Variants in ALG8 observed in about 807,000 individuals in gnomAD.
The protein encoded by ALG8 is ALG8 alpha-1,3-glucosyltransferase.
Under a neutral mutation model 70.2 loss-of-function variants are expected in ALG8, and 48 were observed. The observed-to-expected ratio is 0.68, with a 90% CI of 0.54 to 0.87. ALG8 has a LOEUF of 0.87. Among genes scored for constraint, ALG8 ranks in the 40% least tolerant of loss-of-function variants. The pLI, the probability that ALG8 is intolerant of heterozygous loss-of-function variation, is 0.00. For synonymous variants in ALG8, 234 were observed against 229.0 expected (o/e 1.02, Z -0.20); for missense variants, 572 against 608.7 (o/e 0.94, Z 0.64).
chr11:78,138,421 C>G (rs1861641551), intron 1 of ALG8, among the ~76,000 whole-genome samples: 1 of 151,622 alleles, frequency 6.6e-6, no homozygotes, highest in Non-Finnish European at 1.5e-5. Context: ...GCAACTAAAG[C>G]AAGAAATAAT....
At chr11:78,117,196 A>G (rs1289987910) in intron 5 of ALG8, among the ~76,000 whole-genome samples, 2 of 152,172 alleles carry the variant, frequency 1.3e-5, no homozygotes, top group Non-Finnish European at 2.9e-5. Context: ...TTTATGGGGA[A>G]AATGAGGCTA....
intron 1 of ALG8, among the ~76,000 whole-genome samples, chr11:78,135,583 C>T (rs1861508071): frequency 6.6e-6 from 1 of 152,088 alleles, no homozygotes; most frequent in Non-Finnish European, 1.5e-5. Context: ...GCATGGTGCT[C>T]ACGCCTGTAA....
At chr11:78,111,923 G>T (rs1054514737) in intron 8 of ALG8, among the ~76,000 whole-genome samples, 2 of 152,008 alleles carry the variant, frequency 1.3e-5, no homozygotes, top group Non-Finnish European at 2.9e-5. Context: ...TTCCTTACTG[G>T]TTTAATACCG....
At chr11:78,139,427 C>T (rs1861698876) in intron 1 of ALG8, 67 bp downstream of exon 1, 8 of 1,473,620 alleles carry the variant, frequency 5.4e-6, no homozygotes, top group Non-Finnish European at 7.4e-6. Flanking sequence ...ATATCCACAC[C>T]TTTCTCTCCC....
At chr11:78,133,661 G>C (rs1861406235) in intron 1 of ALG8, 1 of 152,134 alleles carries the variant, frequency 6.6e-6, no homozygotes, top group Admixed American at 6.5e-5. Context: ...CAGCACTTTG[G>C]AGGCCGAGGC....
At chr11:78,133,654 C>A (rs1159474833) in intron 1 of ALG8, 2 of 152,162 alleles carry the variant, frequency 1.3e-5, no homozygotes, top group Non-Finnish European at 2.9e-5. Flanking sequence ...GTAATCCCAG[C>A]ACTTTGGAGG....
rs116971268 is a variant in ALG8 at position 78,104,643 on chromosome 11, C to T, written c.1179-190G>A. 0.011 allele frequency: 5,884 copies of T among 556,354 alleles called. 47 individuals are homozygous for T. The highest frequency in any genetic ancestry group is 0.015 in the Non-Finnish European group (4,771 of 313,462). 34.5% of individuals were successfully genotyped at this position (556,354 alleles called of 1,614,324 possible). On this transcript the variant is annotated intron_variant, in intron 10 of 12. Transcript: ENST00000299626. ...ATTTTAAGCAATCAATAGCATGTAT[C>T]AAACTGAATCAGGGGTATCGTAAAA...
At chr11:78,131,991 G>C (rs745822528) in intron 1 of ALG8, among the ~76,000 whole-genome samples, 34 of 152,098 alleles carry the variant, frequency 2.2e-4, no homozygotes, top group Non-Finnish European at 3.8e-4. Context: ...AGATATTTTT[G>C]GATCTCGCTT....
At chr11:78,120,794 A>C (rs1299413705) in intron 4 of ALG8, among the ~76,000 whole-genome samples, 2 of 152,210 alleles carry the variant, frequency 1.3e-5, no homozygotes, top group Non-Finnish European at 2.9e-5. Context: ...GTATCAGATT[A>C]ATCTAAAAAT....
rs772535935 is a variant in ALG8, at chr11:78,121,106, G to A, written c.437C>T (p.Ser146Leu). Residue 146 changes from serine (S) to leucine (L), a missense_variant, in exon 4 of 13, where the codon TCG becomes TTG. Coordinates refer to ENST00000299626, the MANE Select transcript of ALG8 (RefSeq NM_024079.5). The stretch of plus-strand genomic sequence containing the variant: ...CCCGAAGTTCCACAGAAGTAATACC[G>A]ACAGAATAAATTTTGGCTTTTCTGT... Reference protein sequence around the residue: ...ELTEKPKFILSVLLLWNFGLL... With the variant: ...ELTEKPKFILLVLLLWNFGLL... The A allele has an allele frequency of 7.4e-6, 12 of 1,613,756 alleles. No individual in the cohort carries two copies. The highest frequency in any genetic ancestry group is 2.2e-5 in the South Asian group (2 of 91,066).
chr11:78,126,532 C>CAAA (rs61070879), intron 2 of ALG8, among the ~76,000 whole-genome samples: 3,008 of 126,676 alleles, frequency 0.024, 126 homozygotes, highest in African/African-American at 0.077. Flanking sequence ...GACTCTGTCT[C>CAAA]AAAAAAAAAA....
intron 5 of ALG8, among the ~76,000 whole-genome samples, chr11:78,115,496 C>T (rs1319496391): frequency 6.6e-6 from 1 of 151,770 alleles, no homozygotes; most frequent in East Asian, 1.9e-4. Flanking sequence ...AATTCTCCTG[C>T]CTCAGCCTCC....
intron 12 of ALG8, among the ~76,000 whole-genome samples, chr11:78,102,481 T>C (rs1859837719): frequency 6.6e-6 from 1 of 152,230 alleles, no homozygotes; most frequent in South Asian, 2.1e-4. Flanking sequence ...TTCCATCTTT[T>C]AGCTAGTATG....
At position 78,110,183 on chromosome 11, in the gene ALG8, C is replaced by CTT. The variant is rs1197763229; in HGVS notation, c.899-604_899-603dup. 2.0e-5 allele frequency among the ~76,000 whole-genome samples: 3 copies of CTT among 147,778 alleles called. No homozygotes were observed. The Admixed American group carries it at 2.0e-4, about 10-fold the overall frequency. Reference sequence around the variant, plus strand: ...CAGAACTGATTTTCTTGTGAGCTCACTTTTTTTTTTTGAGATGGAGTCTTA... The same window carrying CTT: ...CAGAACTGATTTTCTTGTGAGCTCACTTTTTTTTTTTTTGAGATGGAGTCTTA... On this transcript the variant is annotated intron_variant, in intron 8 of 12. Transcript: ENST00000299626.
intron 1 of ALG8, chr11:78,133,293 A>G (rs1191001123): frequency 6.6e-6 from 1 of 152,250 alleles, no homozygotes; most frequent in Non-Finnish European, 1.5e-5. Context: ...TACCTGGTAC[A>G]TAATAAAGCA....
rs1436850327 is a variant in ALG8 at position 78,139,580 on chromosome 11, C to T, written c.9G>A (p.Ala3=). The T allele has an allele frequency of 1.3e-6, 2 of 1,555,866 alleles. No individual in the cohort carries two copies. Among genetic ancestry groups the T allele is most frequent in the Non-Finnish European group, 1.7e-6 (2 of 1,149,276 alleles). MA[A]LTIATGTGNW... is the part of the protein sequence containing the mutation. Reference sequence around the variant, plus strand: ...TGCCAGTACCCGTGGCAATTGTGAGCGCCGCCATTGCTGCGGCACCGCACG... The same window carrying T: ...TGCCAGTACCCGTGGCAATTGTGAGTGCCGCCATTGCTGCGGCACCGCACG... Residue 3 remains alanine (A), a synonymous_variant, in exon 1 of 13, where the codon GCG becomes GCA. Transcript: ENST00000299626.
intron 4 of ALG8, 131 bp downstream of exon 4, chr11:78,120,934 G>A (rs956481952): frequency 3.7e-6 from 3 of 821,746 alleles, no homozygotes; most frequent in Non-Finnish European, 6.0e-6. Flanking sequence ...AGTTAAGTGA[G>A]CCTACTAACC....
intron 5 of ALG8, among the ~76,000 whole-genome samples, chr11:78,116,126 G>A (rs1324575391): frequency 1.3e-5 from 2 of 152,162 alleles, no homozygotes; most frequent in East Asian, 1.9e-4. Context: ...TTGGGAGACC[G>A]AGGCGGGTGG....
At chr11:78,120,958 T>C (rs1860796354) in intron 4 of ALG8, 107 bp downstream of exon 4, 3 of 1,099,474 alleles carry the variant, frequency 2.7e-6, no homozygotes, top group African/African-American at 1.6e-5. Context: ...CCCACACTCA[T>C]TTTCAGAAGG....
Sources: gnomAD v4.1 joint callset for allele counts (sites outside exome capture counted in the v4.1 genomes callset) on GRCh38, gnomAD v4.1.1 for gene constraint, MANE v1.5 for transcripts, NCBI Gene and HGNC (gene_info 2026-07-23, HGNC 2026-07-21) for gene names.